The following NAV2 variants were observed in gnomAD, a reference collection of about 807,000 sequenced individuals.
The protein encoded by NAV2 is neuron navigator 2.
In NAV2, 54 loss-of-function variants were observed where a neutral mutation model predicts 223.2. That is an observed-to-expected ratio of 0.24 (90% CI 0.19 to 0.30). The LOEUF is 0.30. Among genes scored for constraint, NAV2 ranks in the 10% least tolerant of loss-of-function variants. The pLI, the probability that NAV2 is intolerant of heterozygous loss-of-function variation, is 1.00. For missense variants in NAV2, 2,806 were observed against 3,147.5 expected (o/e 0.89, Z 2.60); for synonymous variants, 1,279 against 1,239.3 (o/e 1.03, Z -0.67).
intron 7 of NAV2, among the ~76,000 whole-genome samples, chr11:19,937,354 C>CA (rs1407530557): frequency 2.0e-5 from 3 of 149,562 alleles, no homozygotes; most frequent in Non-Finnish European, 4.4e-5. Flanking sequence ...TAATTGCTCC[C>CA]CCCCCGCCCA....
At chr11:19,386,962 C>T (rs1388105191) in intron 1 of NAV2, among the ~76,000 whole-genome samples, 1 of 152,066 alleles carries the variant, frequency 6.6e-6, no homozygotes, top group Non-Finnish European at 1.5e-5. Flanking sequence ...GTGCTGGGAG[C>T]TGCTTATCAA....
intron 3 of NAV2, among the ~76,000 whole-genome samples, chr11:19,847,159 A>G (rs1343041129): frequency 2.0e-5 from 3 of 152,226 alleles, no homozygotes; most frequent in African/African-American, 7.2e-5. Flanking sequence ...GAGGTTAGCC[A>G]GTGGGTGCTG....
chr11:19,881,839 C>CT (rs1271726995), intron 5 of NAV2, among the ~76,000 whole-genome samples: 1 of 152,164 alleles, frequency 6.6e-6, no homozygotes, highest in African/African-American at 2.4e-5. Context: ...AAAGGTCTCT[C>CT]TCAGGACATG....
At chr11:19,841,576 A>T (rs1345579168) in intron 2 of NAV2, among the ~76,000 whole-genome samples, 1 of 152,204 alleles carries the variant, frequency 6.6e-6, no homozygotes, top group Admixed American at 6.5e-5. Flanking sequence ...TATTTTGGGG[A>T]AACAAGAAAA....
intron 1 of NAV2, among the ~76,000 whole-genome samples, chr11:19,486,395 C>G (rs1451702798): frequency 1.3e-5 from 2 of 152,222 alleles, no homozygotes; most frequent in Admixed American, 1.3e-4. Flanking sequence ...TATGTCCCCA[C>G]CCAAATCTCA....
At chr11:19,461,277 A>G (rs1852149605) in intron 1 of NAV2, among the ~76,000 whole-genome samples, 1 of 152,124 alleles carries the variant, frequency 6.6e-6, no homozygotes, top group African/African-American at 2.4e-5. Flanking sequence ...TCCCTGGTCC[A>G]TTGCCAACAC....
intron 1 of NAV2, among the ~76,000 whole-genome samples, chr11:19,668,284 T>G (rs1047193140): frequency 1.3e-5 from 2 of 152,180 alleles, no homozygotes; most frequent in Non-Finnish European, 2.9e-5. Flanking sequence ...ACGCCTGTAA[T>G]CTCAGCACTT....
intron 1 of NAV2, among the ~76,000 whole-genome samples, chr11:19,758,872 T>C (rs572972594): frequency 4.0e-4 from 61 of 152,262 alleles, no homozygotes; most frequent in Admixed American, 1.6e-3. Context: ...GCAGAGCAAC[T>C]GCTTCTGCCC....
At chr11:19,993,890 C>T (rs2051593868) in intron 11 of NAV2, among the ~76,000 whole-genome samples, 2 of 152,214 alleles carry the variant, frequency 1.3e-5, no homozygotes, top group African/African-American at 4.8e-5. Flanking sequence ...TGAGCACCTA[C>T]TATGCAACGG....
At chr11:19,925,199 A>G (rs2044632434) in intron 6 of NAV2, among the ~76,000 whole-genome samples, 1 of 152,180 alleles carries the variant, frequency 6.6e-6, no homozygotes, top group African/African-American at 2.4e-5. Flanking sequence ...TATGCGATTT[A>G]TAAATATTCC....
chr11:19,451,990 T>A (rs1006760816), intron 1 of NAV2, among the ~76,000 whole-genome samples: 8 of 152,178 alleles, frequency 5.3e-5, no homozygotes, highest in Admixed American at 5.2e-4. Context: ...ACAAGAAATG[T>A]GTCTTTACCA....
At chr11:19,907,525 A>G (rs2585761) in intron 6 of NAV2, among the ~76,000 whole-genome samples, 6,175 of 30,774 alleles carry the variant, frequency 0.2, 395 homozygotes, top group African/African-American at 0.39. Flanking sequence ...TGCCACTCAT[A>G]GGGGGAGGGG....
intron 1 of NAV2, among the ~76,000 whole-genome samples, chr11:19,784,906 C>T (rs995015490): frequency 3.9e-5 from 6 of 152,060 alleles, no homozygotes; most frequent in African/African-American, 1.2e-4. Context: ...ATCATCAGAT[C>T]GAGAGCAAGA....
At chr11:20,018,225 A>T (rs1050527434) in intron 11 of NAV2, among the ~76,000 whole-genome samples, 1 of 151,966 alleles carries the variant, frequency 6.6e-6, no homozygotes, top group Non-Finnish European at 1.5e-5. Context: ...ATGGTGGTGC[A>T]TGCCTGTAGT....
At chr11:19,678,816 T>A (rs1006650643) in intron 1 of NAV2, among the ~76,000 whole-genome samples, 2 of 152,230 alleles carry the variant, frequency 1.3e-5, no homozygotes, top group Admixed American at 1.3e-4. Context: ...GAGAAGCAGA[T>A]CTTATTTGTG....
At chr11:19,530,115 GAGGAAGATCACTTGC>G (rs2043982130) in intron 1 of NAV2, among the ~76,000 whole-genome samples, 1 of 152,200 alleles carries the variant, frequency 6.6e-6, no homozygotes, top group Non-Finnish European at 1.5e-5. Flanking sequence ...TGGAAGTGGT[GAGGAAGATCACTTGC>G]AGGCAGGACC....
chr11:19,766,023 C>T (rs556366479), intron 1 of NAV2, among the ~76,000 whole-genome samples: 112 of 152,260 alleles, frequency 7.4e-4, no homozygotes, highest in African/African-American at 2.6e-3. Context: ...CTCTCCCTCC[C>T]TATCACCCAG....
rs34649376 is a variant in NAV2 at position 19,818,231 on chromosome 11, A to ATTTTTTTTTTTTTTTTTTTT, written c.268-14241_268-14222dup. Among the ~76,000 whole-genome samples, 2 of 56,022 alleles carry ATTTTTTTTTTTTTTTTTTTT rather than the reference A, an allele frequency of 3.6e-5. 1 individual carries two copies. Among genetic ancestry groups the ATTTTTTTTTTTTTTTTTTTT allele is most frequent in the African/African-American group, 1.7e-4 (2 of 11,514 alleles). The allele number at this position is 56,022 out of a possible 152,430, so 36.8% of individuals were successfully genotyped here. A position where few individuals can be genotyped will look rare whatever the true frequency, so the allele number is the denominator to read the frequency against. On this transcript the variant is annotated intron_variant, in intron 1 of 37. Coordinates refer to ENST00000349880, the MANE Select transcript of NAV2 (RefSeq NM_145117.5). ...CTGTCCCACCTGTGTGTATTTAGTGATTTTTTTTTTTTTTTTTTTTTTTTT... is the reference window on the plus strand; with the variant it reads ...CTGTCCCACCTGTGTGTATTTAGTGATTTTTTTTTTTTTTTTTTTTTTTTTTTTTTTTTTTTTTTTTTTTT...
intron 17 of NAV2, among the ~76,000 whole-genome samples, chr11:20,052,173 G>T (rs1472280363): frequency 6.6e-6 from 1 of 152,090 alleles, no homozygotes; most frequent in East Asian, 1.9e-4. Context: ...AAGTGCTTTC[G>T]CATAAAATGG....
Sources: gnomAD v4.1 joint callset for allele counts (sites outside exome capture counted in the v4.1 genomes callset) on GRCh38, gnomAD v4.1.1 for gene constraint, MANE v1.5 for transcripts, NCBI Gene and HGNC (gene_info 2026-07-23, HGNC 2026-07-21) for gene names.